CEMIP: variants seen among roughly 807,000 people sequenced by gnomAD.
CEMIP encodes cell migration-inducing and hyaluronan-binding protein.
CEMIP carries 105 observed loss-of-function variants against 156.9 expected under a neutral mutation model. The ratio of observed to expected loss-of-function variants is 0.67; its 90% confidence interval spans 0.57 to 0.79. The LOEUF (loss-of-function observed/expected upper bound fraction) is 0.79, where lower values mean the gene tolerates loss of function less well. Among genes scored for constraint, CEMIP ranks in the 30% least tolerant of loss-of-function variants. The pLI, the probability that CEMIP is intolerant of heterozygous loss-of-function variation, is 0.00. For missense variants in CEMIP, 1,457 were observed against 1,769.4 expected (o/e 0.82, Z 3.17); for synonymous variants, 676 against 668.4 (o/e 1.01, Z -0.17).
In CEMIP at chr15:80,948,810, C is replaced by T. The variant is rs754943195; in HGVS notation, c.3972C>T (p.Phe1324=). The T allele has an allele frequency of 6.2e-6, 10 of 1,614,198 alleles. No individual in the cohort carries two copies. The highest frequency in any genetic ancestry group is 2.2e-5 in the South Asian group (2 of 91,078). ...RGLKLKEQMA[F]VGFKGSFRPI... ...ATTGCTTTTCAGAGCAAATGGCATT[C>T]GTTGGCTTCAAAGGCAGCTTCCGGC... is the stretch of plus-strand genomic sequence containing the variant. The change falls in exon 30 of 30, where the codon TTC becomes TTT. Residue 1324 remains phenylalanine, a synonymous_variant. Coordinates refer to ENST00000394685, the MANE Select transcript of CEMIP (RefSeq NM_001293298.2).
chr15:80,896,014 G>A lies in CEMIP; in HGVS notation c.1365G>A (p.Gln455=), dbSNP rs756671909. The change falls in exon 12 of 30, where the codon CAG becomes CAA. Residue 455 remains glutamine (Q), a synonymous_variant. Transcript: ENST00000394685. The part of the protein sequence containing the change: ...DYSMYQAEEF[Q]VLPCRSCAPN... Reference sequence around the variant, plus strand: ...CCATGTACCAGGCAGAAGAGTTCCAGGTGCTTCCCTGCAGATCCTGCGCCC... The same window carrying A: ...CCATGTACCAGGCAGAAGAGTTCCAAGTGCTTCCCTGCAGATCCTGCGCCC... The A allele has an allele frequency of 1.5e-5, 24 of 1,614,042 alleles. No individual in the cohort carries two copies. In the East Asian group the frequency reaches 4.9e-4, roughly 33 times the overall value.
intron 1 of CEMIP, among the ~76,000 whole-genome samples, chr15:80,840,325 G>A (rs944967040): frequency 1.6e-4 from 25 of 152,114 alleles, no homozygotes; most frequent in African/African-American, 3.6e-4. Flanking sequence ...AGTCATTCAT[G>A]GGGACTCCAC....
chr15:80,809,911 A>G (rs1304601194), intron 1 of CEMIP, among the ~76,000 whole-genome samples: 2 of 152,250 alleles, frequency 1.3e-5, no homozygotes, highest in African/African-American at 4.8e-5. Flanking sequence ...GCAACCAGCC[A>G]GAGACTACTT....
At chr15:80,879,579 A>T in intron 4 of CEMIP, 137 bp from the exon 5 acceptor site, 1 of 1,002,934 alleles carries the variant, frequency 1.0e-6, no homozygotes, top group South Asian at 1.3e-5. Flanking sequence ...TACACCAAGC[A>T]TAGGAATGTT....
At chr15:80,884,434 T>C (rs186060805) in intron 7 of CEMIP, 80 bp downstream of exon 7, 24 of 1,427,118 alleles carry the variant, frequency 1.7e-5, no homozygotes, top group African/African-American at 2.8e-5. Context: ...ACCTTTCCCA[T>C]CTCCTCTCCC....
chr15:80,943,016 C>T lies in CEMIP; in HGVS notation c.3771C>T (p.Arg1257=), dbSNP rs745308968. 18 of 1,614,080 alleles carry T rather than the reference C, an allele frequency of 1.1e-5. No individual in the cohort carries two copies. Among genetic ancestry groups the T allele is most frequent in the African/African-American group, 6.7e-5 (5 of 74,922 alleles). Residue 1257 remains arginine (R), a synonymous_variant, in exon 28 of 30, where the codon CGC becomes CGT. Coordinates refer to ENST00000394685, the MANE Select transcript of CEMIP (RefSeq NM_001293298.2). ...TGGTGATTGACGGGAACCAAGGGCG[C>T]GTGGTGAGCCACACGAGCTTCAGGA... ...QVVVIDGNQG[R]VVSHTSFRNS...
intron 1 of CEMIP, among the ~76,000 whole-genome samples, chr15:80,803,215 C>T (rs972987214): frequency 6.6e-6 from 1 of 152,166 alleles, no homozygotes; most frequent in Admixed American, 6.5e-5. Flanking sequence ...TTGTACAGAA[C>T]CTCCCTTGGG....
intron 19 of CEMIP, among the ~76,000 whole-genome samples, chr15:80,927,894 T>C (rs1900755245): frequency 6.6e-6 from 1 of 152,068 alleles, no homozygotes; most frequent in African/African-American, 2.4e-5. Context: ...TTGAACTAAA[T>C]GGGCTTCGGA....
intron 1 of CEMIP, among the ~76,000 whole-genome samples, chr15:80,811,507 C>G (rs991366220): frequency 6.6e-6 from 1 of 152,234 alleles, no homozygotes; most frequent in South Asian, 2.1e-4. Context: ...CCCAAACTGA[C>G]AGTGATGAAT....
At chr15:80,848,926 A>ACACACACC (rs374603705) in intron 1 of CEMIP, among the ~76,000 whole-genome samples, 21 of 131,186 alleles carry the variant, frequency 1.6e-4, no homozygotes, top group African/African-American at 3.6e-4. Context: ...ACACACACAC[A>ACACACACC]CCCTGGCTTC....
At chr15:80,809,038 T>G (rs560290159) in intron 1 of CEMIP, among the ~76,000 whole-genome samples, 2 of 152,314 alleles carry the variant, frequency 1.3e-5, no homozygotes, top group East Asian at 3.9e-4. Flanking sequence ...ATTACCTACT[T>G]GTGGTCAGAT....
intron 17 of CEMIP, among the ~76,000 whole-genome samples, chr15:80,922,932 T>C (rs986129372): frequency 5.9e-5 from 9 of 152,082 alleles, no homozygotes; most frequent in African/African-American, 1.9e-4. Context: ...GACTCCCAAA[T>C]GCCTAGGCTG....
intron 1 of CEMIP, among the ~76,000 whole-genome samples, chr15:80,796,872 A>G (rs1896240951): frequency 6.6e-6 from 1 of 152,174 alleles, no homozygotes; most frequent in Non-Finnish European, 1.5e-5. Context: ...GTGGGACCTC[A>G]TTATTCTTGG....
At chr15:80,798,241 C>T (rs751980028) in intron 1 of CEMIP, among the ~76,000 whole-genome samples, 2 of 152,150 alleles carry the variant, frequency 1.3e-5, no homozygotes, top group Non-Finnish European at 2.9e-5. Flanking sequence ...ATATTTTTTA[C>T]ATAACGTTGA....
In CEMIP at chr15:80,920,346, A is replaced by G. The variant is rs576676768; in HGVS notation, c.2003+47A>G. 4 of 1,510,216 alleles carry G rather than the reference A, an allele frequency of 2.6e-6. No homozygotes were observed. In the South Asian group the frequency reaches 3.5e-5, roughly 13 times the overall value. 93.6% of individuals were successfully genotyped at this position (1,510,216 alleles called of 1,614,324 possible). A position where few individuals can be genotyped will look rare whatever the true frequency, so the allele number is the denominator to read the frequency against. On this transcript the variant is annotated intron_variant, in intron 15 of 29. Transcript: ENST00000394685. ...TGTGTGCTGGGGGGAAGGGGTGTAC[A>G]TGTGTGTGCATGTGTTCACTCAGCT...
chr15:80,837,662 C>G (rs148984798), intron 1 of CEMIP, among the ~76,000 whole-genome samples: 1 of 152,210 alleles, frequency 6.6e-6, no homozygotes, highest in Admixed American at 6.5e-5. Context: ...TCCCCATCTG[C>G]CTTCCTTCAA....
chr15:80,943,111 G>A lies in CEMIP; in HGVS notation c.3857+9G>A, dbSNP rs1388669642. ...GCGACCATCCCTGACAAGTGAGTCT[G>A]TACCTCTGCTTCTGGAATTGGCTGC... On this transcript the variant is annotated intron_variant, in intron 28 of 29. Coordinates refer to ENST00000394685, the MANE Select transcript of CEMIP (RefSeq NM_001293298.2). 9 of 1,614,092 alleles carry A rather than the reference G, an allele frequency of 5.6e-6. No individual in the cohort carries two copies. In the Admixed American group the frequency reaches 1.0e-4, roughly 18 times the overall value.
chr15:80,888,624 G>C, intron 8 of CEMIP, 77 bp from the exon 9 acceptor site: 2 of 1,192,778 alleles, frequency 1.7e-6, no homozygotes, highest in Non-Finnish European at 2.5e-6. Flanking sequence ...GCGTAGGGGG[G>C]TTTCCTTGCC....
intron 10 of CEMIP, 22 bp downstream of exon 10, chr15:80,889,614 TAG>T: frequency 1.2e-6 from 2 of 1,613,310 alleles, no homozygotes; most frequent in Non-Finnish European, 1.7e-6. Flanking sequence ...ACAGCAAAAA[TAG>T]AAAATAGAAA....
Sources: gnomAD v4.1 joint callset for allele counts (sites outside exome capture counted in the v4.1 genomes callset) on GRCh38, gnomAD v4.1.1 for gene constraint, MANE v1.5 for transcripts, NCBI Gene and HGNC (gene_info 2026-07-23, HGNC 2026-07-21) for gene names.